Variants in ZFYVE26 observed in about 807,000 individuals in gnomAD.
ZFYVE26 encodes the protein zinc finger FYVE-type containing 26.
ZFYVE26 carries 181 observed loss-of-function variants against 276.5 expected under a neutral mutation model. That is an observed-to-expected ratio of 0.65 (90% confidence interval 0.58 to 0.74). ZFYVE26 has a LOEUF of 0.74. Ranked by LOEUF, ZFYVE26 falls within the 30% of genes least tolerant of loss-of-function variation. The pLI is 0.00. For synonymous variants in ZFYVE26, 1,129 were observed against 1,203.1 expected, an observed-to-expected ratio of 0.94 and a Z score of 1.27; for missense variants, 2,821 against 3,097.9, an observed-to-expected ratio of 0.91 and a Z score of 2.12.
chr14:67,768,122 A>G (rs1201433191), intron 30 of ZFYVE26, among the ~76,000 whole-genome samples: 1 of 152,228 alleles, frequency 6.6e-6, no homozygotes, highest in Non-Finnish European at 1.5e-5. Context: ...TAGATGGCTG[A>G]GCCACTGGAC....
chr14:67,786,145 A>G lies in ZFYVE26; in HGVS notation c.3108T>C (p.Tyr1036=), dbSNP rs2039649794. The G allele has an allele frequency of 5.6e-6, 9 of 1,613,658 alleles. No homozygotes were observed. Among genetic ancestry groups the G allele is most frequent in the Non-Finnish European group, 6.8e-6 (8 of 1,179,966 alleles). The stretch of plus-strand genomic sequence containing the variant: ...TGGTTTGACTGGCTGACATAAGCAG[A>G]TAATTGAGACTCTTACTGATTTGCT... ...VLQQISKSLN[Y]LLMSASQTKS... is the part of the protein sequence containing the mutation. Residue 1036 remains tyrosine, a synonymous_variant, in exon 17 of 42, where the codon TAT becomes TAC. Coordinates refer to ENST00000347230, the MANE Select transcript of ZFYVE26 (RefSeq NM_015346.4).
At chr14:67,763,759 T>A (rs2038992002) in intron 32 of ZFYVE26, among the ~76,000 whole-genome samples, 1 of 152,208 alleles carries the variant, frequency 6.6e-6, no homozygotes, top group African/African-American at 2.4e-5. Flanking sequence ...GTCCGGAACT[T>A]TTCTGGCACT....
chr14:67,797,242 G>A, intron 12 of ZFYVE26: 1 of 265,980 alleles, frequency 3.8e-6, no homozygotes, highest in South Asian at 4.4e-5. Flanking sequence ...GCACAGACAT[G>A]TACAAGGTTT....
At chr14:67,762,591 G>A in intron 33 of ZFYVE26, 81 bp downstream of exon 33, 3 of 1,601,604 alleles carry the variant, frequency 1.9e-6, no homozygotes, top group Non-Finnish European at 2.5e-6. Context: ...CTGAGAGACG[G>A]CAACACCTGT....
At chr14:67,779,042 A>G (rs1257916180) in intron 23 of ZFYVE26, among the ~76,000 whole-genome samples, 1 of 152,216 alleles carries the variant, frequency 6.6e-6, no homozygotes, top group Admixed American at 6.5e-5. Context: ...ACCATCTACC[A>G]CAGTGATTGG....
In ZFYVE26 at chr14:67,791,601, G is replaced by A. The variant is rs139213890; in HGVS notation, c.2554-828C>T. ...CTTGTTAATACTTTCTGATATTGTCGTATATGTACAACTTATTCTGTCTGT... is the reference window on the plus strand; with the variant it reads ...CTTGTTAATACTTTCTGATATTGTCATATATGTACAACTTATTCTGTCTGT... On this transcript the variant is annotated intron_variant, in intron 14 of 41. Transcript: ENST00000347230. 7.2e-3 allele frequency among the ~76,000 whole-genome samples: 1,075 copies of A among 149,788 alleles called. 15 individuals carry two copies. The highest frequency in any genetic ancestry group is 0.025 in the African/African-American group (1,026 of 40,738).
At chr14:67,783,666 T>C (rs2039571538) in intron 20 of ZFYVE26, 141 bp from the exon 21 acceptor site, 4 of 1,084,828 alleles carry the variant, frequency 3.7e-6, no homozygotes, top group Non-Finnish European at 5.4e-6. Context: ...ACACAAAAAG[T>C]AGCCTATTAG....
In ZFYVE26 at chr14:67,784,350, G is replaced by T. The variant is rs759856890; in HGVS notation, c.3610C>A (p.Gln1204Lys). The T allele has an allele frequency of 6.2e-7, 1 of 1,614,088 alleles. No individual in the cohort carries two copies. Among genetic ancestry groups the T allele is most frequent in the South Asian group, 1.1e-5 (1 of 91,076 alleles). The change falls in exon 20 of 42, where the codon CAA (glutamine) becomes AAA (lysine). Residue 1204 changes from glutamine (Q) to lysine (K), a missense_variant. Transcript: ENST00000347230. ...QLVSHLLFERQVPPERLAALL... is the reference protein window; with the variant it reads ...QLVSHLLFERKVPPERLAALL... ...GGCTCCTACCTCTCTGGGGGAACTT[G>T]TCTCTCAAACAGGAGATGTGACACC...
At chr14:67,765,477 TG>T (rs2039031817) in intron 32 of ZFYVE26, among the ~76,000 whole-genome samples, 1 of 152,202 alleles carries the variant, frequency 6.6e-6, no homozygotes, top group African/African-American at 2.4e-5. Context: ...CTGCTGAGTC[TG>T]TAGGCAAGTA....
At chr14:67,771,221 T>G (rs1290657012) in intron 28 of ZFYVE26, among the ~76,000 whole-genome samples, 4 of 152,204 alleles carry the variant, frequency 2.6e-5, no homozygotes, top group Admixed American at 2.6e-4. Context: ...ATTGAGAACA[T>G]GTGGTATTTG....
intron 36 of ZFYVE26, 63 bp from the exon 37 acceptor site, chr14:67,755,313 T>G: frequency 1.3e-6 from 2 of 1,578,568 alleles, no homozygotes; most frequent in South Asian, 2.2e-5. Flanking sequence ...TGGGGTGTGA[T>G]GAGAATTCTC....
chr14:67,788,440 T>G (rs1177064524), intron 16 of ZFYVE26, among the ~76,000 whole-genome samples: 2 of 152,156 alleles, frequency 1.3e-5, no homozygotes, highest in Non-Finnish European at 2.9e-5. Context: ...GAGTCTCTAA[T>G]GAGCTTCCCT....
intron 3 of ZFYVE26, among the ~76,000 whole-genome samples, chr14:67,810,131 T>G (rs1212040079): frequency 6.6e-6 from 1 of 152,202 alleles, no homozygotes; most frequent in African/African-American, 2.4e-5. Flanking sequence ...GGACATACAC[T>G]TCTCTTAAAA....
In ZFYVE26 at chr14:67,755,251, C is replaced by T; in HGVS notation, c.6787-1G>A. ...AGGTCATGGCGGCCCGAACTTGGTC[C>T]TAGAAGAGGAAAATAAATGTTCAGG... On this transcript the variant is annotated splice_acceptor_variant, in intron 36 of 41. Transcript: ENST00000347230. LOFTEE classifies it high-confidence loss of function. The T allele has an allele frequency of 6.2e-7, 1 of 1,614,082 alleles. No homozygotes were observed. Among genetic ancestry groups the T allele is most frequent in the South Asian group, 1.1e-5 (1 of 91,082 alleles).
intron 1 of ZFYVE26, among the ~76,000 whole-genome samples, chr14:67,816,265 C>A (rs2040407669): frequency 6.6e-6 from 1 of 152,182 alleles, no homozygotes; most frequent in Admixed American, 6.5e-5. Context: ...CATATTTGCT[C>A]CGGGCGCAGA....
chr14:67,798,851 GC>G (rs1458116278), intron 10 of ZFYVE26, among the ~76,000 whole-genome samples: 1 of 152,190 alleles, frequency 6.6e-6, no homozygotes, highest in East Asian at 1.9e-4. Flanking sequence ...GCCGGGTCCC[GC>G]CCCGAGGCCA....
At chr14:67,790,485 G>T in intron 15 of ZFYVE26, 87 bp downstream of exon 15, 2 of 1,409,642 alleles carry the variant, frequency 1.4e-6, no homozygotes, top group South Asian at 1.2e-5. Context: ...TCACCCTCAT[G>T]AGGAGCCTAG....
Position 67,740,478 on chromosome 14 carries a change from T to G in ZFYVE26, n.2679+10574A>C, listed in dbSNP as rs574119645. Among the ~76,000 whole-genome samples, 19 of 152,284 alleles carry G rather than the reference T, an allele frequency of 1.2e-4. No homozygotes were observed. The South Asian group carries it at 2.7e-3, about 22-fold the overall frequency. On this transcript the variant is annotated intron_variant and non_coding_transcript_variant, in intron 13 of 14. Transcript: ENST00000394455. ...TTAAATAATGTGGAATATTTTTATT[T>G]TTTGAAAATTTAGTTAATTTTATGA...
At chr14:67,770,999 G>A (rs771583037) in intron 28 of ZFYVE26, among the ~76,000 whole-genome samples, 26 of 151,552 alleles carry the variant, frequency 1.7e-4, no homozygotes, top group Non-Finnish European at 3.2e-4. Context: ...TAGGTTCAGG[G>A]GCACATGTGC....
Sources: allele counts gnomAD v4.1 joint callset (sites outside exome capture counted in the v4.1 genomes callset), GRCh38; gene constraint gnomAD v4.1.1; transcripts MANE v1.5; gene names NCBI Gene and HGNC (gene_info 2026-07-23, HGNC 2026-07-21).